Variants in THRAP3 observed in about 807,000 individuals in gnomAD.
The protein encoded by THRAP3 is thyroid hormone receptor-associated protein 3.
In THRAP3, 16 loss-of-function variants were observed where a neutral mutation model predicts 101.0. The ratio of observed to expected loss-of-function variants is 0.16; its 90% CI spans 0.11 to 0.24. The LOEUF (loss-of-function observed/expected upper bound fraction) is 0.24, where lower values mean the gene tolerates loss of function less well. Ranked by LOEUF, THRAP3 falls within the 10% of genes least tolerant of loss-of-function variation. The probability of loss-of-function intolerance (pLI) is 1.00; values close to 1 mark genes in which losing one functional copy is unlikely to be tolerated. For missense variants in THRAP3, 989 were observed against 1,202.7 expected (o/e 0.82, Z 2.63); for synonymous variants, 407 against 422.6 (o/e 0.96, Z 0.45).
chr1:36,281,523 A>G (rs1645731077), intron 2 of THRAP3, among the ~76,000 whole-genome samples: 1 of 150,352 alleles, frequency 6.7e-6, no homozygotes, highest in Non-Finnish European at 1.5e-5. Flanking sequence ...TTGTACTACT[A>G]AGAAATTCCT....
chr1:36,280,091 C>T (rs888523987), intron 2 of THRAP3, among the ~76,000 whole-genome samples: 1 of 152,128 alleles, frequency 6.6e-6, no homozygotes, highest in African/African-American at 2.4e-5. Context: ...TTGAGACCAG[C>T]CTGGGCAACA....
chr1:36,207,954 G>A, the THRAP3 span, among the ~76,000 whole-genome samples: 15 of 152,076 alleles, frequency 9.9e-5, no homozygotes, highest in East Asian at 2.1e-3. Context: ...TACTATGCCC[G>A]GCTAATTTTT....
chr1:36,230,746 C>T (rs1262711182), intron 1 of THRAP3, among the ~76,000 whole-genome samples: 1 of 152,150 alleles, frequency 6.6e-6, no homozygotes, highest in Non-Finnish European at 1.5e-5. Flanking sequence ...TTTTCAACCT[C>T]TGCCTAAAAA....
At chr1:36,264,284 A>G (rs147816413) in intron 2 of THRAP3, among the ~76,000 whole-genome samples, 1 of 152,336 alleles carries the variant, frequency 6.6e-6, no homozygotes, top group African/African-American at 2.4e-5. Context: ...TCTGTGGCTA[A>G]ACATAGTTTA....
intron 1 of THRAP3, among the ~76,000 whole-genome samples, chr1:36,258,085 C>T (rs944015906): frequency 3.9e-5 from 6 of 152,092 alleles, no homozygotes; most frequent in South Asian, 2.1e-4. Context: ...GTGATCCGCC[C>T]GCCTCGGCCT....
Position 36,305,187 on chromosome 1 carries a change from C to T in THRAP3, c.*1170C>T, listed in dbSNP as rs889456690. On this transcript the variant is annotated 3_prime_UTR_variant, in exon 12 of 12. Coordinates refer to ENST00000354618, the MANE Select transcript of THRAP3 (RefSeq NM_005119.4). ...ATGCGGACTGCACCCACCTCTCCCC[C>T]CCAGCCTTTGCCTCTTGCGTTGTTG... 9.0e-6 allele frequency: 2 copies of T among 221,798 alleles called. No individual in the cohort carries two copies. The highest frequency in any genetic ancestry group is 1.8e-5 in the Non-Finnish European group (2 of 110,912). 13.7% of individuals were successfully genotyped at this position (221,798 alleles called of 1,614,324 possible). A position where few individuals can be genotyped will look rare whatever the true frequency, so the allele number is the denominator to read the frequency against.
intron 2 of THRAP3, among the ~76,000 whole-genome samples, chr1:36,266,394 A>G (rs1306188559): frequency 6.6e-6 from 1 of 152,190 alleles, no homozygotes; most frequent in African/African-American, 2.4e-5. Context: ...CATCCTTGAG[A>G]TAAGCAGTGC....
chr1:36,278,382 C>T (rs536426632), intron 2 of THRAP3, among the ~76,000 whole-genome samples: 36 of 152,010 alleles, frequency 2.4e-4, no homozygotes, highest in African/African-American at 7.2e-4. Context: ...GGGTTTTGAC[C>T]GTAAATGTAA....
At chr1:36,228,765 CCTT>C (rs1042356399) in intron 1 of THRAP3, among the ~76,000 whole-genome samples, 11 of 152,172 alleles carry the variant, frequency 7.2e-5, no homozygotes, top group African/African-American at 2.7e-4. Context: ...AATGTGTTCT[CCTT>C]CTACCATATT....
At chr1:36,275,847 C>T (rs1358992030) in intron 2 of THRAP3, among the ~76,000 whole-genome samples, 1 of 151,752 alleles carries the variant, frequency 6.6e-6, no homozygotes, top group African/African-American at 2.4e-5. Flanking sequence ...ATGGGGAGAC[C>T]CCGTCTCTAC....
At chr1:36,280,622 G>A (rs1346010573) in intron 2 of THRAP3, among the ~76,000 whole-genome samples, 1 of 152,212 alleles carries the variant, frequency 6.6e-6, no homozygotes, top group South Asian at 2.1e-4. Context: ...GCAGCAAAGT[G>A]TGATAGAATA....
intron 11 of THRAP3, among the ~76,000 whole-genome samples, chr1:36,302,708 C>T (rs1646045149): frequency 6.6e-6 from 1 of 152,166 alleles, no homozygotes; most frequent in Non-Finnish European, 1.5e-5. Context: ...ACTCTGAAGT[C>T]ATGGGGCTGA....
At chr1:36,231,536 T>G (rs1417043997) in intron 1 of THRAP3, among the ~76,000 whole-genome samples, 1 of 152,250 alleles carries the variant, frequency 6.6e-6, no homozygotes, top group African/African-American at 2.4e-5. Flanking sequence ...GGTTATTCTA[T>G]TGTTTTTTAA....
At chr1:36,234,489 T>C (rs1645062947) in intron 1 of THRAP3, among the ~76,000 whole-genome samples, 1 of 152,164 alleles carries the variant, frequency 6.6e-6, no homozygotes, top group South Asian at 2.1e-4. Context: ...ATAGAAGAGA[T>C]TTTTACTGTT....
At chr1:36,259,981 G>A (rs931753672) in intron 2 of THRAP3, among the ~76,000 whole-genome samples, 2 of 151,936 alleles carry the variant, frequency 1.3e-5, no homozygotes, top group Admixed American at 1.3e-4. Context: ...GGTGGCTCCT[G>A]ACTGTAATCC....
At chr1:36,268,633 C>T (rs1307220602) in intron 2 of THRAP3, among the ~76,000 whole-genome samples, 1 of 152,036 alleles carries the variant, frequency 6.6e-6, no homozygotes, top group African/African-American at 2.4e-5. Flanking sequence ...TTCCATAGTA[C>T]GAGGGACCAT....
the THRAP3 span, among the ~76,000 whole-genome samples, chr1:36,208,966 CTTTTTTTTTTTTTTTT>C: frequency 1.9e-5 from 1 of 51,880 alleles, no homozygotes; most frequent in African/African-American, 6.6e-5. Flanking sequence ...CATGTCCAGC[CTTTTTTTTTTTTTTTT>C]TTTTTTTTTT....
intron 2 of THRAP3, among the ~76,000 whole-genome samples, chr1:36,276,827 A>G (rs1645666847): frequency 1.3e-5 from 2 of 152,270 alleles, no homozygotes; most frequent in Middle Eastern, 3.4e-3. Context: ...ACTGCACTCT[A>G]GCCTGGGAAA....
intron 2 of THRAP3, among the ~76,000 whole-genome samples, chr1:36,269,247 A>G (rs1418660549): frequency 6.6e-6 from 1 of 152,160 alleles, no homozygotes; most frequent in African/African-American, 2.4e-5. Context: ...GGTTCTGCAG[A>G]TGCCAAACAA....
Sources: gnomAD v4.1 joint callset for allele counts (sites outside exome capture counted in the v4.1 genomes callset) on GRCh38, gnomAD v4.1.1 for gene constraint, MANE v1.5 for transcripts, NCBI Gene and HGNC (gene_info 2026-07-23, HGNC 2026-07-21) for gene names.